The following GAS7 variants were observed in gnomAD, a reference collection of about 807,000 sequenced individuals.
The protein encoded by GAS7 is growth arrest specific 7, also known as growth arrest-specific protein 7.
GAS7 carries 28 observed loss-of-function variants against 71.1 expected under a neutral mutation model. The observed-to-expected ratio is 0.39, with a 90% CI of 0.29 to 0.54. The LOEUF is 0.54. Among genes scored for constraint, GAS7 ranks in the 20% least tolerant of loss-of-function variants. The pLI is 0.62. For synonymous variants in GAS7, 258 were observed against 245.8 expected, an observed-to-expected ratio of 1.05 and a Z score of -0.46; for missense variants, 436 against 627.8, an observed-to-expected ratio of 0.69 and a Z score of 3.27.
chr17:10,190,851 A>AAAAAAAAAAAAC lies in GAS7; in HGVS notation c.183+7356_183+7357insGTTTTTTTTTTT, dbSNP rs1222707708. On this transcript the variant is annotated intron_variant, in intron 1 of 13. Coordinates refer to ENST00000432992, the MANE Select transcript of GAS7 (RefSeq NM_201433.2). ...TGAGCTAAAAAATATATATCTCACA[A>AAAAAAAAAAAAC]AAAAAAAAAACCCTCATGTTTTAAG... is the stretch of plus-strand genomic sequence containing the variant. Among the ~76,000 whole-genome samples the AAAAAAAAAAAAC allele has an allele frequency of 4.5e-3, 664 of 146,368 alleles. 9 individuals carry two copies. Among genetic ancestry groups the AAAAAAAAAAAAC allele is most frequent in the African/African-American group, 0.016 (630 of 39,008 alleles).
rs552260739 is a variant in GAS7, at chr17:10,074,047, A to G, written c.184-54150T>C. 3.8e-3 allele frequency among the ~76,000 whole-genome samples: 574 copies of G among 152,330 alleles called. 2 individuals carry two copies. The highest frequency in any genetic ancestry group is 0.013 in the African/African-American group (522 of 41,576). ...ATGACCCCAGCCCTGTCCCAGGCAGAGCTTACTTTCTGGAAGAGAGAAAGA... is the reference window on the plus strand; with the variant it reads ...ATGACCCCAGCCCTGTCCCAGGCAGGGCTTACTTTCTGGAAGAGAGAAAGA... On this transcript the variant is annotated intron_variant, in intron 1 of 13. Coordinates refer to ENST00000432992, the MANE Select transcript of GAS7 (RefSeq NM_201433.2).
chr17:10,097,394 G>A (rs115366952), intron 1 of GAS7, among the ~76,000 whole-genome samples: 3,329 of 152,256 alleles, frequency 0.022, 129 homozygotes, highest in African/African-American at 0.075. Flanking sequence ...TCAGTCTCTC[G>A]GGGCTCTGCC....
At chr17:10,192,759 G>GTC (rs1251046690) in intron 1 of GAS7, among the ~76,000 whole-genome samples, 3 of 152,216 alleles carry the variant, frequency 2.0e-5, no homozygotes, top group Non-Finnish European at 4.4e-5. Flanking sequence ...GGTTCCTTCT[G>GTC]AGCTGAGGCT....
intron 2 of GAS7, 34 bp downstream of exon 2, chr17:10,019,743 G>A (rs768541264): frequency 2.5e-6 from 4 of 1,591,206 alleles, no homozygotes; most frequent in Non-Finnish European, 3.4e-6. Context: ...ATGCCAGGGG[G>A]TTGGTGCAGG....
At chr17:10,053,247 C>T (rs940380597) in intron 1 of GAS7, among the ~76,000 whole-genome samples, 15 of 152,302 alleles carry the variant, frequency 9.8e-5, no homozygotes, top group African/African-American at 2.9e-4. Context: ...AGATCAACAA[C>T]GGCTTCGCGA....
intron 1 of GAS7, among the ~76,000 whole-genome samples, chr17:10,164,180 C>T (rs777782810): frequency 6.6e-6 from 1 of 152,218 alleles, no homozygotes; most frequent in South Asian, 2.1e-4. Flanking sequence ...CGGTGGCTCA[C>T]GTCTATAATC....
At chr17:10,020,060 G>A in intron 1 of GAS7, 163 bp from the exon 2 acceptor site, 1 of 641,950 alleles carries the variant, frequency 1.6e-6, no homozygotes, top group Non-Finnish European at 2.7e-6. Context: ...GTGACCTCCG[G>A]GGTTGCGTGA....
intron 1 of GAS7, among the ~76,000 whole-genome samples, chr17:10,052,246 G>A (rs951938338): frequency 4.6e-5 from 7 of 152,138 alleles, no homozygotes; most frequent in African/African-American, 1.4e-4. Context: ...ACTCCTCTGC[G>A]GCGTCTAGGA....
chr17:10,017,735 A>G (rs2072099907), intron 2 of GAS7, among the ~76,000 whole-genome samples: 1 of 152,196 alleles, frequency 6.6e-6, no homozygotes, highest in South Asian at 2.1e-4. Context: ...TTTACCTATC[A>G]TCCAGGGCTG....
intron 1 of GAS7, among the ~76,000 whole-genome samples, chr17:10,131,749 G>GTGCTCATGAATGTATGAATACATA (rs2073998865): frequency 6.6e-6 from 1 of 152,164 alleles, no homozygotes. Flanking sequence ...ATGAATACAT[G>GTGCTCATGAATGTATGAATACATA]TGCTCATGAA....
chr17:10,107,992 G>T lies in GAS7; in HGVS notation c.184-88095C>A, dbSNP rs190802759. Among the ~76,000 whole-genome samples, 10 of 152,142 alleles carry T rather than the reference G, an allele frequency of 6.6e-5. No homozygotes were observed. The East Asian group carries it at 1.9e-3, about 29-fold the overall frequency. On this transcript the variant is annotated intron_variant, in intron 1 of 13. Coordinates refer to ENST00000432992, the MANE Select transcript of GAS7 (RefSeq NM_201433.2). ...GAACCACCTTACACACAGTCCCAGTGGGGGACTGGGCAAGAGAATCACTTT... is the reference window on the plus strand; with the variant it reads ...GAACCACCTTACACACAGTCCCAGTTGGGGACTGGGCAAGAGAATCACTTT...
chr17:9,950,182 T>A (rs751284444), intron 5 of GAS7, among the ~76,000 whole-genome samples: 4 of 151,728 alleles, frequency 2.6e-5, no homozygotes, highest in Admixed American at 6.6e-5. Context: ...CTTTTCAAAA[T>A]GTGTAACTTC....
intron 3 of GAS7, among the ~76,000 whole-genome samples, chr17:9,971,016 T>C (rs2069938684): frequency 6.6e-6 from 1 of 152,180 alleles, no homozygotes; most frequent in Non-Finnish European, 1.5e-5. Context: ...CTACGTATTC[T>C]CCTGACCTAC....
At chr17:9,999,928 T>C (rs1458366503) in intron 2 of GAS7, among the ~76,000 whole-genome samples, 2 of 152,194 alleles carry the variant, frequency 1.3e-5, no homozygotes, top group Non-Finnish European at 2.9e-5. Flanking sequence ...CAAAGAGGAC[T>C]GAAAACTTCA....
At chr17:10,145,467 A>T (rs999115265) in intron 1 of GAS7, among the ~76,000 whole-genome samples, 1 of 152,354 alleles carries the variant, frequency 6.6e-6, no homozygotes, top group Admixed American at 6.5e-5. Context: ...GGAAGGAGGC[A>T]GTAGAGGCTT....
intron 1 of GAS7, among the ~76,000 whole-genome samples, chr17:10,119,801 G>A (rs1415457285): frequency 6.6e-6 from 1 of 152,130 alleles, no homozygotes; most frequent in Non-Finnish European, 1.5e-5. Context: ...TCAACGAGTG[G>A]GTCCTTCAGG....
At chr17:10,005,022 T>G (rs185711851) in intron 2 of GAS7, among the ~76,000 whole-genome samples, 5 of 93,604 alleles carry the variant, frequency 5.3e-5, no homozygotes, top group African/African-American at 2.2e-4. Flanking sequence ...TCTCTCGCTC[T>G]CTCTCTCTAT....
chr17:9,912,253 C>G lies in GAS7; in HGVS notation c.*4975G>C, dbSNP rs2067458600. ...TCTCTCACCAGGACTTGAGGCAATT[C>G]TATGCACGATTGTGCAGATGAGAGC... On this transcript the variant is annotated 3_prime_UTR_variant, in exon 14 of 14. Coordinates refer to ENST00000432992, the MANE Select transcript of GAS7 (RefSeq NM_201433.2). 1 of 232,960 alleles carries G rather than the reference C, an allele frequency of 4.3e-6. No individual in the cohort carries two copies. Among genetic ancestry groups the G allele is most frequent in the East Asian group, 6.0e-5 (1 of 16,536 alleles). 14.4% of individuals were successfully genotyped at this position (232,960 alleles called of 1,614,324 possible). A position where few individuals can be genotyped will look rare whatever the true frequency, so the allele number is the denominator to read the frequency against.
intron 1 of GAS7, among the ~76,000 whole-genome samples, chr17:10,031,070 G>A (rs1291662016): frequency 6.6e-6 from 1 of 152,236 alleles, no homozygotes. Flanking sequence ...ATAAGAGGTA[G>A]ACATTAGGGC....
Sources: gnomAD v4.1 joint callset for allele counts (sites outside exome capture counted in the v4.1 genomes callset) on GRCh38, gnomAD v4.1.1 for gene constraint, MANE v1.5 for transcripts, NCBI Gene and HGNC (gene_info 2026-07-23, HGNC 2026-07-21) for gene names.